The following COL5A1 variants were observed in gnomAD, a reference collection of about 807,000 sequenced individuals.
COL5A1 encodes collagen type V alpha 1 chain, also known as collagen alpha-1(V) chain.
In COL5A1, 16 loss-of-function variants were observed where a neutral mutation model predicts 263.7. That is an observed-to-expected ratio of 0.06 (90% CI 0.04 to 0.09). COL5A1 has a LOEUF of 0.09. Ranked by LOEUF, COL5A1 falls within the 10% of genes least tolerant of loss-of-function variation. The pLI, the probability that COL5A1 is intolerant of heterozygous loss-of-function variation, is 1.00. For missense variants in COL5A1, 2,036 were observed against 2,540.5 expected (o/e 0.80, Z 4.27); for synonymous variants, 1,012 against 1,004.5 (o/e 1.01, Z -0.14).
At chr9:134,710,311 T>C (rs1460896750) in intron 4 of COL5A1, among the ~76,000 whole-genome samples, 1 of 152,204 alleles carries the variant, frequency 6.6e-6, no homozygotes, top group East Asian at 1.9e-4. Flanking sequence ...GTCATAGTGA[T>C]TGTGCAGTAT....
chr9:134,736,405 A>G (rs1393957747), intron 9 of COL5A1, among the ~76,000 whole-genome samples: 3 of 152,164 alleles, frequency 2.0e-5, no homozygotes, highest in Non-Finnish European at 4.4e-5. Flanking sequence ...GACTGCTGCC[A>G]TCCTGTCATC....
At chr9:134,654,524 G>A (rs1211597704) in intron 1 of COL5A1, among the ~76,000 whole-genome samples, 1 of 125,166 alleles carries the variant, frequency 8.0e-6, no homozygotes, top group Non-Finnish European at 1.7e-5. Flanking sequence ...GAGGTGTGCA[G>A]GGCTGGGTGT....
At chr9:134,772,698 C>G in intron 25 of COL5A1, 92 bp from the exon 26 acceptor site, 3 of 1,323,668 alleles carry the variant, frequency 2.3e-6, no homozygotes, top group Non-Finnish European at 3.3e-6. Context: ...GAAATGGGCT[C>G]CATGATCATG....
intron 2 of COL5A1, among the ~76,000 whole-genome samples, chr9:134,694,203 C>T (rs934845305): frequency 1.3e-5 from 2 of 152,278 alleles, no homozygotes; most frequent in South Asian, 2.1e-4. Flanking sequence ...CACCCCTCGG[C>T]AAATCAGCAG....
intron 53 of COL5A1, among the ~76,000 whole-genome samples, chr9:134,817,408 T>C (rs1838796782): frequency 2.0e-5 from 3 of 152,228 alleles, no homozygotes; most frequent in Admixed American, 2.0e-4. Context: ...GAAGGCATCT[T>C]TTGCAGATTG....
chr9:134,814,395 G>A (rs974872332), intron 49 of COL5A1, among the ~76,000 whole-genome samples: 1 of 152,224 alleles, frequency 6.6e-6, no homozygotes, highest in African/African-American at 2.4e-5. Flanking sequence ...TTCACTATGA[G>A]GCCAGCCCAA....
In COL5A1 at chr9:134,814,784, C is replaced by T; in HGVS notation, c.3907-13C>T. On this transcript the variant is annotated splice_polypyrimidine_tract_variant and intron_variant, in intron 49 of 65. Transcript: ENST00000371817. ...TTGGCTCTGAGGACTTGACACTGGCCTCTTTCCTCCAGGGACCCAAAGGAG... is the reference window on the plus strand; with the variant it reads ...TTGGCTCTGAGGACTTGACACTGGCTTCTTTCCTCCAGGGACCCAAAGGAG... 6.5e-7 allele frequency: 1 copy of T among 1,547,700 alleles called. No individual in the cohort carries two copies. The highest frequency in any genetic ancestry group is 8.7e-7 in the Non-Finnish European group (1 of 1,143,520).
rs144145624 is a variant in COL5A1, at chr9:134,716,899, C to T, written c.655-10367C>T. Among the ~76,000 whole-genome samples the T allele has an allele frequency of 6.9e-3, 1,056 of 152,242 alleles. 8 individuals carry two copies. The highest frequency in any genetic ancestry group is 0.02 in the Middle Eastern group (6 of 294). On this transcript the variant is annotated intron_variant, in intron 4 of 65. Coordinates refer to ENST00000371817, the MANE Select transcript of COL5A1 (RefSeq NM_000093.5). This position sits in a 1 kb window ranked among gnomAD's most constrained non-coding sequence, Gnocchi z 4.5. Reference sequence around the variant, plus strand: ...TTGGACTGGGACTGGAGGCAGCGAGCGAGGACATGGCGGGGACAGCAGAAA... The same window carrying T: ...TTGGACTGGGACTGGAGGCAGCGAGTGAGGACATGGCGGGGACAGCAGAAA...
At position 134,652,476 on chromosome 9, in the gene COL5A1, C is replaced by A. The variant is rs557827191; in HGVS notation, c.109+10180C>A. Among the ~76,000 whole-genome samples the A allele has an allele frequency of 6.6e-6, 1 of 152,168 alleles. No individual in the cohort carries two copies. The highest frequency in any genetic ancestry group is 1.5e-5 in the Non-Finnish European group (1 of 68,028). ...TCCTGCCCCTGAAACAGGTGGACAT[C>A]ATGGCTTCTCAGCCCAGGCCATTTG... On this transcript the variant is annotated intron_variant, in intron 1 of 65. Coordinates refer to ENST00000371817, the MANE Select transcript of COL5A1 (RefSeq NM_000093.5). This position sits in a 1 kb window ranked among gnomAD's most constrained non-coding sequence, Gnocchi z 4.4.
chr9:134,727,993 A>G (rs1487330350), intron 5 of COL5A1, among the ~76,000 whole-genome samples: 1 of 151,384 alleles, frequency 6.6e-6, no homozygotes, highest in East Asian at 1.9e-4. Context: ...ATGCTCTCCC[A>G]CTCCCTGGGC....
At chr9:134,829,067 C>T (rs1355378736) in intron 63 of COL5A1, among the ~76,000 whole-genome samples, 3 of 152,220 alleles carry the variant, frequency 2.0e-5, no homozygotes, top group Non-Finnish European at 4.4e-5. Context: ...ATGAGGATGC[C>T]CCACCCCTCG....
At chr9:134,679,809 C>T (rs1832801427) in intron 1 of COL5A1, among the ~76,000 whole-genome samples, 3 of 151,764 alleles carry the variant, frequency 2.0e-5, no homozygotes, top group Non-Finnish European at 4.4e-5. Context: ...GTGGTCAGAT[C>T]TCAGGCTCCT....
chr9:134,679,615 T>TA (rs1326915341), intron 1 of COL5A1, among the ~76,000 whole-genome samples: 1 of 29,620 alleles, frequency 3.4e-5, no homozygotes, highest in African/African-American at 1.5e-4. Flanking sequence ...CGGGGCTGGT[T>TA]GGGGGCACTG....
chr9:134,775,644 G>T (rs946270700), intron 27 of COL5A1, among the ~76,000 whole-genome samples: 1 of 152,144 alleles, frequency 6.6e-6, no homozygotes, highest in Non-Finnish European at 1.5e-5. Flanking sequence ...ACCCCTAGGC[G>T]CACGCGGACC....
At chr9:134,672,472 A>G (rs1368461744) in intron 1 of COL5A1, among the ~76,000 whole-genome samples, 1 of 152,262 alleles carries the variant, frequency 6.6e-6, no homozygotes, top group East Asian at 1.9e-4. Context: ...GGGATTACAT[A>G]CTACTTTGTA....
chr9:134,729,389 C>T (rs1312483552), intron 6 of COL5A1, among the ~76,000 whole-genome samples: 1 of 152,106 alleles, frequency 6.6e-6, no homozygotes, highest in Non-Finnish European at 1.5e-5. Context: ...TGTCCAGCCT[C>T]AGAGCCATTG....
chr9:134,831,310 T>C (rs1179073000), intron 64 of COL5A1, among the ~76,000 whole-genome samples: 1 of 152,222 alleles, frequency 6.6e-6, no homozygotes, highest in African/African-American at 2.4e-5. Context: ...CCAGCTCCTT[T>C]GCAGACACTC....
chr9:134,766,351 C>A, intron 21 of COL5A1, 103 bp from the exon 22 acceptor site: 1 of 1,137,704 alleles, frequency 8.8e-7, no homozygotes, highest in Non-Finnish European at 1.3e-6. Flanking sequence ...TCTGATTCGT[C>A]GTGGGATGGG....
At chr9:134,739,859 G>C (rs1835238287) in intron 11 of COL5A1, among the ~76,000 whole-genome samples, 1 of 152,218 alleles carries the variant, frequency 6.6e-6, no homozygotes, top group African/African-American at 2.4e-5. Context: ...AGCCGAGCCA[G>C]TGGGGATGCT....
Sources: allele counts gnomAD v4.1 joint callset (sites outside exome capture counted in the v4.1 genomes callset), GRCh38; gene constraint gnomAD v4.1.1; non-coding constraint Gnocchi (gnomAD v3.1); transcripts MANE v1.5; gene names NCBI Gene and HGNC (gene_info 2026-07-23, HGNC 2026-07-21).